Variants in CHD4 observed in about 807,000 individuals in gnomAD.
The protein encoded by CHD4 is chromodomain helicase DNA binding protein 4.
Under a neutral mutation model 235.5 loss-of-function variants are expected in CHD4, and 35 were observed. The ratio of observed to expected loss-of-function variants is 0.15; its 90% CI spans 0.11 to 0.20. The LOEUF (loss-of-function observed/expected upper bound fraction) is 0.20. Among genes scored for constraint, CHD4 ranks in the 10% least tolerant of loss-of-function variants. The pLI is 1.00. For synonymous variants in CHD4, 900 were observed against 850.2 expected, an observed-to-expected ratio of 1.06 and a Z score of -1.02; for missense variants, 1,329 against 2,432.3, an observed-to-expected ratio of 0.55 and a Z score of 9.54.
intron 15 of CHD4, 24 bp downstream of exon 15, chr12:6,594,435 A>G (rs1948451379): frequency 6.3e-7 from 1 of 1,579,488 alleles, no homozygotes; most frequent in South Asian, 1.1e-5. Flanking sequence ...CACACAAAAA[A>G]CTATCCACCC....
chr12:6,588,616 A>G (rs1232132522), intron 22 of CHD4, among the ~76,000 whole-genome samples, 194 bp from the exon 23 acceptor site: 1 of 152,110 alleles, frequency 6.6e-6, no homozygotes, highest in Non-Finnish European at 1.5e-5. Context: ...TGTCTCTACT[A>G]AAAATACAAA....
intron 22 of CHD4, chr12:6,591,122 CAAA>C (rs35011913): frequency 8.6e-4 from 22 of 25,572 alleles, no homozygotes; most frequent in South Asian, 2.4e-3. Context: ...GACTCCATCT[CAAA>C]AAAAAAAAAA....
Position 6,582,746 on chromosome 12 carries a change from T to G in CHD4, c.4239A>C (p.Val1413=), listed in dbSNP as rs1395200431. ...LLARVGGNIE[V]LGFNARQRKA... is the part of the protein sequence containing the mutation. ...TTCGCTGACGAGCATTAAAACCAAGTACCTAGGGGAAGAAGAAACCCAGGT... is the reference window on the plus strand; with the variant it reads ...TTCGCTGACGAGCATTAAAACCAAGGACCTAGGGGAAGAAGAAACCCAGGT... The change falls in exon 29 of 40, where the codon GTA becomes GTC. Residue 1413 remains valine, a splice_region_variant and synonymous_variant. Coordinates refer to ENST00000544040, the MANE Select transcript of CHD4 (RefSeq NM_001273.5). The G allele has an allele frequency of 6.2e-7, 1 of 1,613,996 alleles. No homozygotes were observed. The highest frequency in any genetic ancestry group is 1.3e-5 in the African/African-American group (1 of 74,890).
At chr12:6,592,313 C>T in intron 19 of CHD4, 80 bp downstream of exon 19, 2 of 1,499,828 alleles carry the variant, frequency 1.3e-6, no homozygotes, top group East Asian at 2.3e-5. Context: ...TGCCTTGAAG[C>T]TGAGTGGGGG....
chr12:6,571,295 GTTTT>G (rs998963508), intron 38 of CHD4: 2 of 391,150 alleles, frequency 5.1e-6, no homozygotes, highest in South Asian at 5.6e-5. Context: ...GAGCTTATTC[GTTTT>G]TTCTCTTCTC....
intron 22 of CHD4, among the ~76,000 whole-genome samples, chr12:6,590,402 G>T (rs775582859): frequency 2.0e-5 from 3 of 152,130 alleles, no homozygotes; most frequent in Non-Finnish European, 4.4e-5. Context: ...TCATTGTACT[G>T]CAGTTACGTA....
At chr12:6,597,860 G>A (rs201703851) in intron 12 of CHD4, 34 bp downstream of exon 12, 6 of 1,595,394 alleles carry the variant, frequency 3.8e-6, no homozygotes, top group Admixed American at 1.7e-5. Context: ...CTCTCCCACG[G>A]AGACTGCCCG....
chr12:6,599,872 C>A lies in CHD4; in HGVS notation c.1383G>T (p.Leu461=), dbSNP rs763810511. The A allele has an allele frequency of 1.2e-6, 2 of 1,614,016 alleles. No homozygotes were observed. Among genetic ancestry groups the A allele is most frequent in the Non-Finnish European group, 1.7e-6 (2 of 1,180,028 alleles). The change falls in exon 10 of 40, where the codon CTG becomes CTT. Residue 461 remains leucine (L), a synonymous_variant. Transcript: ENST00000544040. ...AAGAAGGACAGGTATCACAGCAGAG[C>A]AGTTCCCCACCATCCTTGCAGACCC... ...FCRVCKDGGE[L]LCCDTCPSSY... is the part of the protein sequence containing the mutation.
At chr12:6,571,740 A>G (rs1328878098) in intron 38 of CHD4, 1 of 151,978 alleles carries the variant, frequency 6.6e-6, no homozygotes, top group Non-Finnish European at 1.5e-5. Context: ...GCGGTGGATC[A>G]CCTGAGATCA....
rs1948454257 is a variant in CHD4, at chr12:6,594,626, G to T, written c.2146C>A (p.Pro716Thr). 6.2e-7 allele frequency: 1 copy of T among 1,613,472 alleles called. No individual in the cohort carries two copies. Among genetic ancestry groups the T allele is most frequent in the African/African-American group, 1.3e-5 (1 of 74,846 alleles). The stretch of plus-strand genomic sequence containing the variant: ...CCACCTGTAGCATCCAGGTACTCTG[G>T]CTGTCGCTCATACTTCACTGTTGGC... ...VDPTVKYERQ[P>T]EYLDATGGTL... Residue 716 changes from proline (P) to threonine (T), a missense_variant, in exon 15 of 40, where the codon CCA becomes ACA. Physicochemically the swap from Pro to Thr is conservative, Grantham distance 38 (BLOSUM62 -1). Transcript: ENST00000544040.
chr12:6,604,758 G>A (rs995550142), intron 2 of CHD4, among the ~76,000 whole-genome samples: 2 of 152,192 alleles, frequency 1.3e-5, no homozygotes, highest in Non-Finnish European at 2.9e-5. Flanking sequence ...AAAGGGACAG[G>A]AATGGGGTGT....
chr12:6,590,450 ACATGAACTCTCT>A (rs1379612980), intron 22 of CHD4, among the ~76,000 whole-genome samples: 6 of 152,236 alleles, frequency 3.9e-5, no homozygotes, highest in Non-Finnish European at 7.3e-5. Context: ...TGAACAGTAT[ACATGAACTCTCT>A]CTGCTGTTTT....
rs1479158467 is a variant in CHD4, at chr12:6,570,463, C to T, written c.*213G>A. On this transcript the variant is annotated 3_prime_UTR_variant, in exon 40 of 40. Coordinates refer to ENST00000544040, the MANE Select transcript of CHD4 (RefSeq NM_001273.5). ...CCAGCCCGCCAGCTCCTGCAGATGG[C>T]GCCAGCGCTACTGCTGCATGTCTCT... is the stretch of plus-strand genomic sequence containing the variant. 10 of 602,748 alleles carry T rather than the reference C, an allele frequency of 1.7e-5. No individual in the cohort carries two copies. Among genetic ancestry groups the T allele is most frequent in the Admixed American group, 1.3e-4 (4 of 31,634 alleles). 37.3% of individuals were successfully genotyped at this position (602,748 alleles called of 1,614,324 possible).
At chr12:6,592,097 C>G in intron 19 of CHD4, 40 bp from the exon 20 acceptor site, 2 of 1,611,278 alleles carry the variant, frequency 1.2e-6, no homozygotes, top group Non-Finnish European at 1.7e-6. Flanking sequence ...GACTTGAGAG[C>G]CTTTCAATGA....
intron 2 of CHD4, among the ~76,000 whole-genome samples, chr12:6,603,948 C>A (rs1352638267): frequency 6.6e-6 from 1 of 152,082 alleles, no homozygotes; most frequent in Non-Finnish European, 1.5e-5. Context: ...GGAATGTCTG[C>A]ACAAAAAAAC....
At position 6,576,669 on chromosome 12, in the gene CHD4, G is replaced by A. The variant is rs568824799; in HGVS notation, c.5361+1116C>T. Among the ~76,000 whole-genome samples the A allele has an allele frequency of 4.6e-5, 7 of 151,686 alleles. No individual in the cohort carries two copies. In the East Asian group the frequency reaches 5.9e-4, roughly 13 times the overall value. On this transcript the variant is annotated intron_variant, in intron 37 of 39. Transcript: ENST00000544040. ...TCGCCAGACTGGAGTGCAGTGGTGC[G>A]ATCTCGGCTCACTGCAACCTCCGCC...
intron 2 of CHD4, among the ~76,000 whole-genome samples, chr12:6,604,062 G>C (rs1395071583): frequency 6.6e-6 from 1 of 152,176 alleles, no homozygotes; most frequent in Non-Finnish European, 1.5e-5. Context: ...CAGATCATTT[G>C]AGGTCAGTTC....
In CHD4 at chr12:6,606,253, G is replaced by A. The variant is rs1349672992; in HGVS notation, c.100+21C>T. On this transcript the variant is annotated intron_variant, in intron 2 of 39. Coordinates refer to ENST00000544040, the MANE Select transcript of CHD4 (RefSeq NM_001273.5). ...CCCCAGATGTCTCCTTCCCGCCATG[G>A]GCCCTTGGGGAAGATGTTACCTGGG... 6.7e-6 allele frequency: 10 copies of A among 1,498,744 alleles called. No individual in the cohort carries two copies. The South Asian group carries it at 9.2e-5, about 14-fold the overall frequency. The allele number at this position is 1,498,744 out of a possible 1,614,324, so 92.8% of individuals were successfully genotyped here.
intron 37 of CHD4, among the ~76,000 whole-genome samples, chr12:6,575,635 A>T (rs192316870): frequency 2.0e-4 from 31 of 152,220 alleles, no homozygotes; most frequent in African/African-American, 7.2e-4. Flanking sequence ...TCATGATTAT[A>T]TGACAGTTTT....
Sources: allele counts gnomAD v4.1 joint callset (sites outside exome capture counted in the v4.1 genomes callset), GRCh38; gene constraint gnomAD v4.1.1; transcripts MANE v1.5; gene names NCBI Gene and HGNC (gene_info 2026-07-23, HGNC 2026-07-21).